The following LMX1A variants were observed in gnomAD, a reference collection of about 807,000 sequenced individuals.
LMX1A encodes the protein LIM homeobox transcription factor 1 alpha, also known as LIM homeobox transcription factor 1-alpha.
A neutral mutation model predicts 49.1 loss-of-function variants in LMX1A; 15 were observed. That is an observed-to-expected ratio of 0.31 (90% CI 0.20 to 0.47). The LOEUF is 0.47. LMX1A is among the 20% of genes least tolerant of loss of function. The pLI is 1.00. For missense variants in LMX1A, 372 were observed against 475.8 expected, an observed-to-expected ratio of 0.78 and a Z score of 2.03; for synonymous variants, 167 against 185.7, an observed-to-expected ratio of 0.90 and a Z score of 0.82.
At position 165,355,880 on chromosome 1, in the gene LMX1A, T is replaced by C; in HGVS notation, c.-22-299A>G. ...CACCTACATCCCTTGCCCCAGGTTTTCCATCCCGAATCCGACTCCGCCCCA... is the reference window on the plus strand; with the variant it reads ...CACCTACATCCCTTGCCCCAGGTTTCCCATCCCGAATCCGACTCCGCCCCA... On this transcript the variant is annotated intron_variant, in intron 1 of 8. Coordinates refer to ENST00000342310, the MANE Select transcript of LMX1A (RefSeq NM_177398.4). This position sits in a 1 kb window ranked among gnomAD's most constrained non-coding sequence, Gnocchi z 4.7. 2.6e-6 allele frequency: 1 copy of C among 385,912 alleles called. No individual in the cohort carries two copies. Among genetic ancestry groups the C allele is most frequent in the Non-Finnish European group, 4.7e-6 (1 of 211,708 alleles). The allele number at this position is 385,912 out of a possible 1,614,324, so 23.9% of individuals were successfully genotyped here.
intron 4 of LMX1A, among the ~76,000 whole-genome samples, chr1:165,248,210 G>A (rs1274167694): frequency 6.6e-6 from 1 of 152,194 alleles, no homozygotes; most frequent in Non-Finnish European, 1.5e-5. Context: ...GAGGGAAAGA[G>A]GCTGAAAAGG....
In LMX1A at chr1:165,228,839, A is replaced by G. The variant is rs77673053; in HGVS notation, c.497-15026T>C. On this transcript the variant is annotated intron_variant, in intron 4 of 8. Coordinates refer to ENST00000342310, the MANE Select transcript of LMX1A (RefSeq NM_177398.4). ...CACATGCAAAAACCAGAGGCCAGAA[A>G]TGACTTTAAAGGAAACTTACTCCAG... is the stretch of plus-strand genomic sequence containing the variant. Among the ~76,000 whole-genome samples, 434 of 152,306 alleles carry G rather than the reference A, an allele frequency of 2.8e-3. 18 individuals are homozygous for G. The South Asian group carries it at 0.062, about 22-fold the overall frequency.
At chr1:165,252,393 A>C (rs1190276816) in intron 3 of LMX1A, among the ~76,000 whole-genome samples, 1 of 152,232 alleles carries the variant, frequency 6.6e-6, no homozygotes, top group East Asian at 1.9e-4. Flanking sequence ...CTAAAATTTA[A>C]AGCAGATCCC....
intron 3 of LMX1A, among the ~76,000 whole-genome samples, chr1:165,254,860 C>T (rs1571181821): frequency 2.6e-5 from 4 of 152,320 alleles, no homozygotes; most frequent in Admixed American, 6.5e-5. Context: ...TACATAACAC[C>T]ACCCAACTTT....
chr1:165,294,540 C>T (rs1654562087), intron 3 of LMX1A, among the ~76,000 whole-genome samples: 1 of 152,202 alleles, frequency 6.6e-6, no homozygotes, highest in Non-Finnish European at 1.5e-5. Context: ...ACATACAGAT[C>T]ATTTAAACCC....
At chr1:165,310,473 T>C (rs1203332564) in intron 3 of LMX1A, among the ~76,000 whole-genome samples, 2 of 152,206 alleles carry the variant, frequency 1.3e-5, no homozygotes, top group African/African-American at 2.4e-5. Context: ...CACAGGGCAC[T>C]GAAGATAGAA....
At chr1:165,205,001 T>C (rs1173803217) in intron 8 of LMX1A, among the ~76,000 whole-genome samples, 1 of 152,122 alleles carries the variant, frequency 6.6e-6, no homozygotes, top group East Asian at 1.9e-4. Context: ...AACAGAATTT[T>C]TTTTCATGAA....
intron 3 of LMX1A, among the ~76,000 whole-genome samples, chr1:165,302,027 C>T (rs1395029886): frequency 6.6e-6 from 1 of 152,138 alleles, no homozygotes; most frequent in African/African-American, 2.4e-5. Flanking sequence ...TTTTGCTCAA[C>T]CACAATTAAG....
chr1:165,237,547 G>T (rs1464342759), intron 4 of LMX1A, among the ~76,000 whole-genome samples: 1 of 151,970 alleles, frequency 6.6e-6, no homozygotes, highest in African/African-American at 2.4e-5. Context: ...CACACAATAT[G>T]CAAATCCCTG....
intron 4 of LMX1A, among the ~76,000 whole-genome samples, chr1:165,237,050 T>C (rs2102626364): frequency 6.6e-6 from 1 of 152,316 alleles, no homozygotes; most frequent in Non-Finnish European, 1.5e-5. Flanking sequence ...TACTCAAAAG[T>C]ATTTGCTTGC....
intron 3 of LMX1A, among the ~76,000 whole-genome samples, chr1:165,271,491 T>C (rs539325876): frequency 6.6e-6 from 1 of 152,348 alleles, no homozygotes; most frequent in African/African-American, 2.4e-5. Context: ...CAAAACCTAC[T>C]AAACTCATAT....
At chr1:165,264,456 G>A (rs950612956) in intron 3 of LMX1A, among the ~76,000 whole-genome samples, 1 of 152,090 alleles carries the variant, frequency 6.6e-6, no homozygotes, top group Non-Finnish European at 1.5e-5. Flanking sequence ...CCTTAGACTA[G>A]AAATCCACAC....
intron 4 of LMX1A, among the ~76,000 whole-genome samples, chr1:165,238,868 T>C (rs28622087): frequency 0.19 from 28,945 of 152,228 alleles, 3,143 homozygotes; most frequent in African/African-American, 0.29. Context: ...TCTGGTCCTT[T>C]CCATTGTTAG....
chr1:165,251,243 C>A (rs1231375302), intron 3 of LMX1A, among the ~76,000 whole-genome samples: 2 of 152,038 alleles, frequency 1.3e-5, no homozygotes, highest in Non-Finnish European at 2.9e-5. Context: ...TCACCATGCC[C>A]AGCTAATTTT....
intron 8 of LMX1A, among the ~76,000 whole-genome samples, chr1:165,204,958 T>C (rs796453544): frequency 1.3e-5 from 2 of 152,210 alleles, no homozygotes; most frequent in African/African-American, 2.4e-5. Flanking sequence ...GTTTGCTGAA[T>C]GTGTGATATG....
rs149286470 is a variant in LMX1A at position 165,339,526 on chromosome 1, G to C, written c.263+13550C>G. 9.8e-5 allele frequency among the ~76,000 whole-genome samples: 15 copies of C among 152,314 alleles called. No homozygotes were observed. The East Asian group carries it at 2.9e-3, about 29-fold the overall frequency. On this transcript the variant is annotated intron_variant, in intron 3 of 8. Transcript: ENST00000342310. ...GGTGAGCTTCGCATTGAGATGACTG[G>C]TATCTGAAGAAGAAGGAAATAGGTG... is the stretch of plus-strand genomic sequence containing the variant.
Position 165,247,023 on chromosome 1 carries a change from G to A in LMX1A, c.496+2385C>T, listed in dbSNP as rs533605897. On this transcript the variant is annotated intron_variant, in intron 4 of 8. Coordinates refer to ENST00000342310, the MANE Select transcript of LMX1A (RefSeq NM_177398.4). ...CTGAGCATTATAATTCTATTAATCTGTAAATGTTACTTAGATCAGATCAGC... is the reference window on the plus strand; with the variant it reads ...CTGAGCATTATAATTCTATTAATCTATAAATGTTACTTAGATCAGATCAGC... 3.6e-5 allele frequency among the ~76,000 whole-genome samples: 4 copies of A among 112,456 alleles called. No individual in the cohort carries two copies. In the East Asian group the frequency reaches 1.0e-3, roughly 28 times the overall value. The allele number at this position is 112,456 out of a possible 152,430, so 73.8% of individuals were successfully genotyped here. A position where few individuals can be genotyped will look rare whatever the true frequency, so the allele number is the denominator to read the frequency against.
At chr1:165,285,793 G>A (rs1011135282) in intron 3 of LMX1A, among the ~76,000 whole-genome samples, 22 of 152,198 alleles carry the variant, frequency 1.4e-4, no homozygotes, top group African/African-American at 4.6e-4. Flanking sequence ...TTAGCCCAAT[G>A]GACCCTTGTC....
chr1:165,230,848 G>C (rs1652216423), intron 4 of LMX1A, among the ~76,000 whole-genome samples: 1 of 152,152 alleles, frequency 6.6e-6, no homozygotes, highest in South Asian at 2.1e-4. Flanking sequence ...CCAAGTGTCT[G>C]TCACAGGTGG....
Sources: allele counts gnomAD v4.1 joint callset (sites outside exome capture counted in the v4.1 genomes callset), GRCh38; gene constraint gnomAD v4.1.1; non-coding constraint Gnocchi (gnomAD v3.1); transcripts MANE v1.5; gene names NCBI Gene and HGNC (gene_info 2026-07-23, HGNC 2026-07-21).